DNAJC30: variants seen among roughly 807,000 people sequenced by gnomAD.
The protein encoded by DNAJC30 is dnaJ homolog subfamily C member 30, mitochondrial.
DNAJC30 carries 16 observed loss-of-function variants against 15.4 expected under a neutral mutation model. That is an observed-to-expected ratio of 1.04 (90% CI 0.70 to 1.58). The LOEUF is 1.58. DNAJC30 is among the 40% of genes most tolerant of loss of function. DNAJC30 has a pLI of 0.00. For synonymous variants in DNAJC30, 161 were observed against 140.2 expected (o/e 1.15, Z -1.05); for missense variants, 352 against 320.9 (o/e 1.10, Z -0.74).
At position 73,682,921 on chromosome 7, in the gene DNAJC30, T is replaced by C. The variant is rs1554611595; in HGVS notation, c.503A>G (p.Tyr168Cys). The change falls in exon 1 of 1, where the codon TAC becomes TGC. Residue 168 changes from tyrosine (Y) to cysteine (C), a missense_variant. Tyr to Cys is a radical substitution (Grantham distance 194). Transcript: ENST00000395176. ...NRTMFNFDAFYQAHYGEQLER... is the reference protein window; with the variant it reads ...NRTMFNFDAFCQAHYGEQLER... ...CAGTTGTTCCCCGTAGTGGGCCTGGTAGAAGGCGTCAAAGTTGAACATCGT... is the reference window on the plus strand; with the variant it reads ...CAGTTGTTCCCCGTAGTGGGCCTGGCAGAAGGCGTCAAAGTTGAACATCGT... 1 of 1,613,922 alleles carries C rather than the reference T, an allele frequency of 6.2e-7. No individual in the cohort carries two copies. Among genetic ancestry groups the C allele is most frequent in the South Asian group, 1.1e-5 (1 of 91,086 alleles).
Position 73,683,116 on chromosome 7 carries a change from C to G in DNAJC30, c.308G>C (p.Ser103Thr). 1.2e-6 allele frequency: 2 copies of G among 1,613,356 alleles called. No homozygotes were observed. Among genetic ancestry groups the G allele is most frequent in the South Asian group, 2.2e-5 (2 of 91,052 alleles). ...RISQAYVVLG[S>T]ATLRRKYDRG... is the part of the protein sequence containing the mutation. The stretch of plus-strand genomic sequence containing the variant: ...ATCATACTTGCGACGGAGGGTGGCA[C>G]TGCCCAGCACCACGTAGGCCTGGGA... Residue 103 changes from serine to threonine, a missense_variant, in exon 1 of 1, where the codon AGT (serine) becomes ACT (threonine). By Grantham distance (58) the Ser-to-Thr change is moderately conservative. Transcript: ENST00000395176.
chr7:73,683,262 G>A lies in DNAJC30; in HGVS notation c.162C>T (p.Leu54=), dbSNP rs1391201035. The A allele has an allele frequency of 9.9e-6, 16 of 1,613,998 alleles. No individual in the cohort carries two copies. The highest frequency in any genetic ancestry group is 4.4e-5 in the South Asian group (4 of 91,092). The change falls in exon 1 of 1, where the codon CTC becomes CTT. Residue 54 remains leucine, a synonymous_variant. Transcript: ENST00000395176. ...SYSRTALYDL[L]GVPSTATQAQ... ...CCTGCGTGGCTGTGGAGGGGACGCC[G>A]AGCAGATCATACAGCGCCGTGCGCG...
rs782609560 is a variant in DNAJC30, at chr7:73,682,984, G to A, written c.440C>T (p.Thr147Ile). 3.7e-6 allele frequency: 6 copies of A among 1,600,058 alleles called. No homozygotes were observed. Among genetic ancestry groups the A allele is most frequent in the Admixed American group, 1.7e-5 (1 of 58,774 alleles). The stretch of plus-strand genomic sequence containing the variant: ...GGGGGAGGCCCGAGAACCGTCGTGG[G>A]TCCGAGAGGTGGGCGGCGGGGTACG... Reference protein sequence around the residue: ...SPRTPPPTSRTHDGSRASPGA... With the variant: ...SPRTPPPTSRIHDGSRASPGA... The change falls in exon 1 of 1, where the codon ACC becomes ATC. Residue 147 changes from threonine (T) to isoleucine (I), a missense_variant. Coordinates refer to ENST00000395176, the MANE Select transcript of DNAJC30 (RefSeq NM_032317.3).
Position 73,683,094 on chromosome 7 carries a change from A to G in DNAJC30, c.330T>C (p.Tyr110=), listed in dbSNP as rs782088559. ...CCTCGTCGCTGAGTAGGCCGCGATC[A>G]TACTTGCGACGGAGGGTGGCACTGC... ...VLGSATLRRK[Y]DRGLLSDEDL... Residue 110 remains tyrosine (Y), a synonymous_variant, in exon 1 of 1, where the codon TAT becomes TAC. Transcript: ENST00000395176. The G allele has an allele frequency of 3.1e-6, 5 of 1,609,446 alleles. No individual in the cohort carries two copies. Among genetic ancestry groups the G allele is most frequent in the Admixed American group, 1.7e-5 (1 of 59,914 alleles).
rs1554611717 is a variant in DNAJC30 at position 73,683,160 on chromosome 7, G to C, written c.264C>G (p.Ala88=). 6.2e-7 allele frequency: 1 copy of C among 1,614,054 alleles called. No individual in the cohort carries two copies. Among genetic ancestry groups the C allele is most frequent in the East Asian group, 2.2e-5 (1 of 44,898 alleles). ...PDRNSGSAEA[A]ERFTRISQAY... ...CCTGGGAGATGCGCGTGAAGCGCTC[G>C]GCGGCCTCCGCGCTCCCGGAGTTGC... The change falls in exon 1 of 1, where the codon GCC becomes GCG. Residue 88 remains alanine (A), a synonymous_variant. Coordinates refer to ENST00000395176, the MANE Select transcript of DNAJC30 (RefSeq NM_032317.3).
rs1797697666 is a variant in DNAJC30 at position 73,681,122 on chromosome 7, C to A, written c.*1621G>T. 6.6e-6 allele frequency: 1 copy of A among 152,192 alleles called. No homozygotes were observed. The highest frequency in any genetic ancestry group is 2.4e-5 in the African/African-American group (1 of 41,446). The allele number at this position is 152,192 out of a possible 1,614,324, so 9.4% of individuals were successfully genotyped here. A position where few individuals can be genotyped will look rare whatever the true frequency, so the allele number is the denominator to read the frequency against. The stretch of plus-strand genomic sequence containing the variant: ...CTTGGGCCCTCATCCTTCTCGTAGA[C>A]CTCTTGCGAGGATTTTCCCCTTTTA... On this transcript the variant is annotated 3_prime_UTR_variant, in exon 1 of 1. Transcript: ENST00000395176.
In DNAJC30 at chr7:73,683,189, C is replaced by G; in HGVS notation, c.235G>C (p.Asp79His). 5.0e-6 allele frequency: 8 copies of G among 1,614,186 alleles called. No individual in the cohort carries two copies. The highest frequency in any genetic ancestry group is 6.8e-6 in the Non-Finnish European group (8 of 1,180,046). The change falls in exon 1 of 1, where the codon GAC (aspartate) becomes CAC (histidine). Residue 79 changes from aspartate to histidine, a missense_variant. Coordinates refer to ENST00000395176, the MANE Select transcript of DNAJC30 (RefSeq NM_032317.3). ...YYRQCFLYHP[D>H]RNSGSAEAAE... The stretch of plus-strand genomic sequence containing the variant: ...GCCTCCGCGCTCCCGGAGTTGCGGT[C>G]CGGGTGGTAGAGAAAGCACTGACGG...
chr7:73,683,014 G>T lies in DNAJC30; in HGVS notation c.410C>A (p.Ser137Ter), dbSNP rs781916952. ...AGAGGTGGGCGGCGGGGTACGCGGC[G>T]AGCCGGGGTCGGGTGCGGGCGTCCT... Reference protein sequence around the residue: ...PSRTPAPDPGSPRTPPPTSRT... With the variant: ...PSRTPAPDPG The change falls in exon 1 of 1, where the codon TCG becomes TAG. Residue 137 changes from serine to a stop codon, truncating the protein, a stop_gained. Transcript: ENST00000395176. LOFTEE classifies it high-confidence loss of function. 6.3e-7 allele frequency: 1 copy of T among 1,589,142 alleles called. No individual in the cohort carries two copies. The highest frequency in any genetic ancestry group is 8.6e-7 in the Non-Finnish European group (1 of 1,165,572).
At position 73,681,389 on chromosome 7, in the gene DNAJC30, G is replaced by A. The variant is rs528958820; in HGVS notation, c.*1354C>T. The A allele has an allele frequency of 6.6e-4, 100 of 152,454 alleles. No homozygotes were observed. The highest frequency in any genetic ancestry group is 2.4e-3 in the African/African-American group (98 of 41,574). The allele number at this position is 152,454 out of a possible 1,614,324, so 9.4% of individuals were successfully genotyped here. On this transcript the variant is annotated 3_prime_UTR_variant, in exon 1 of 1. Transcript: ENST00000395176. ...GCCACCAACTCCCCGTCCCTCAGTAGTCCTGTGTACTCCCAAAGCCCCAAA... is the reference window on the plus strand; with the variant it reads ...GCCACCAACTCCCCGTCCCTCAGTAATCCTGTGTACTCCCAAAGCCCCAAA...
Position 73,683,415 on chromosome 7 carries a change from G to A in DNAJC30, c.9C>T (p.Ala3=). The change falls in exon 1 of 1, where the codon GCC becomes GCT. Residue 3 remains alanine (A), a synonymous_variant. Coordinates refer to ENST00000395176, the MANE Select transcript of DNAJC30 (RefSeq NM_032317.3). ...GCCGCTGCCACCATCGCCAGCGCAT[G>A]GCTGCCATGTTGAATTGATTCGGCA... MA[A]MRWRWWQRLL... is the part of the protein sequence containing the mutation. 6.2e-7 allele frequency: 1 copy of A among 1,611,778 alleles called. No individual in the cohort carries two copies. The highest frequency in any genetic ancestry group is 8.5e-7 in the Non-Finnish European group (1 of 1,179,190).
At position 73,681,411 on chromosome 7, in the gene DNAJC30, C is replaced by T. The variant is rs887037228; in HGVS notation, c.*1332G>A. ...GTAGTCCTGTGTACTCCCAAAGCCC[C>T]AAAATTTACCCCAGCCTCAAGCAGC... On this transcript the variant is annotated 3_prime_UTR_variant, in exon 1 of 1. Transcript: ENST00000395176. 6 of 152,298 alleles carry T rather than the reference C, an allele frequency of 3.9e-5. No individual in the cohort carries two copies. The highest frequency in any genetic ancestry group is 1.9e-4 in the East Asian group (1 of 5,196). The allele number at this position is 152,298 out of a possible 1,614,324, so 9.4% of individuals were successfully genotyped here.
At position 73,683,329 on chromosome 7, in the gene DNAJC30, C is replaced by T. The variant is rs1554611823; in HGVS notation, c.95G>A (p.Gly32Asp). 1.2e-6 allele frequency: 2 copies of T among 1,613,708 alleles called. No individual in the cohort carries two copies. Among genetic ancestry groups the T allele is most frequent in the East Asian group, 2.2e-5 (1 of 44,880 alleles). The change falls in exon 1 of 1, where the codon GGC (glycine) becomes GAC (aspartate). Residue 32 changes from glycine (G) to aspartate (D), a missense_variant. Coordinates refer to ENST00000395176, the MANE Select transcript of DNAJC30 (RefSeq NM_032317.3). Reference sequence around the variant, plus strand: ...CTGGGAATAAGTCCTCGCTCCTAGGCCCAGGCTGGGTGCAGAATTTTGTGG... The same window carrying T: ...CTGGGAATAAGTCCTCGCTCCTAGGTCCAGGCTGGGTGCAGAATTTTGTGG... Reference protein sequence around the residue: ...GFPQNSAPSLGLGARTYSQGD... With the variant: ...GFPQNSAPSLDLGARTYSQGD...
chr7:73,683,056 G>C lies in DNAJC30; in HGVS notation c.368C>G (p.Pro123Arg), dbSNP rs527439743. 3 of 1,597,006 alleles carry C rather than the reference G, an allele frequency of 1.9e-6. No homozygotes were observed. The highest frequency in any genetic ancestry group is 2.2e-5 in the South Asian group (2 of 89,546). Residue 123 changes from proline (P) to arginine (R), a missense_variant, in exon 1 of 1, where the codon CCT (proline) becomes CGT (arginine). Coordinates refer to ENST00000395176, the MANE Select transcript of DNAJC30 (RefSeq NM_032317.3). ...GGGCGTCCTGGAGGGCCGGACGCCA[G>C]GTCCGCGCAGGTCCTCGTCGCTGAG... ...GLLSDEDLRGPGVRPSRTPAP... is the reference protein window; with the variant it reads ...GLLSDEDLRGRGVRPSRTPAP...
chr7:73,681,672 G>C lies in DNAJC30; in HGVS notation c.*1071C>G, dbSNP rs1797713357. 1 of 152,242 alleles carries C rather than the reference G, an allele frequency of 6.6e-6. No individual in the cohort carries two copies. The highest frequency in any genetic ancestry group is 1.5e-5 in the Non-Finnish European group (1 of 68,062). 9.4% of individuals were successfully genotyped at this position (152,242 alleles called of 1,614,324 possible). On this transcript the variant is annotated 3_prime_UTR_variant, in exon 1 of 1. Transcript: ENST00000395176. The stretch of plus-strand genomic sequence containing the variant: ...CTGTGGATTAGAACTATGGATAATA[G>C]GGCCGGGAGCAGTGGCTCATGCCTG...
At position 73,681,044 on chromosome 7, in the gene DNAJC30, T is replaced by A. The variant is rs1554611209; in HGVS notation, c.*1699A>T. ...CATTGAGTGCAGGAATGGCACGCAATGATTGCACTCAGTAATATACCAAAC... is the reference window on the plus strand; with the variant it reads ...CATTGAGTGCAGGAATGGCACGCAAAGATTGCACTCAGTAATATACCAAAC... On this transcript the variant is annotated 3_prime_UTR_variant, in exon 1 of 1. Transcript: ENST00000395176. 2.0e-5 allele frequency: 3 copies of A among 152,164 alleles called. No homozygotes were observed. Among genetic ancestry groups the A allele is most frequent in the African/African-American group, 4.8e-5 (2 of 41,414 alleles). 9.4% of individuals were successfully genotyped at this position (152,164 alleles called of 1,614,324 possible).
At position 73,683,396 on chromosome 7, in the gene DNAJC30, G is replaced by T; in HGVS notation, c.28C>A (p.Gln10Lys). 6.2e-7 allele frequency: 1 copy of T among 1,612,232 alleles called. No homozygotes were observed. MAAMRWRWW[Q>K]RLLPWRLLQA... ...AGCAACCTCCAAGGTAACAGCCGCT[G>T]CCACCATCGCCAGCGCATGGCTGCC... Residue 10 changes from glutamine to lysine, a missense_variant, in exon 1 of 1, where the codon CAG becomes AAG. Coordinates refer to ENST00000395176, the MANE Select transcript of DNAJC30 (RefSeq NM_032317.3).
chr7:73,683,033 G>A lies in DNAJC30; in HGVS notation c.391C>T (p.Pro131Ser), dbSNP rs782533531. The change falls in exon 1 of 1, where the codon CCC becomes TCC. Residue 131 changes from proline to serine, a missense_variant. Transcript: ENST00000395176. ...RGPGVRPSRTPAPDPGSPRTP... is the reference protein window; with the variant it reads ...RGPGVRPSRTSAPDPGSPRTP... ...CGCGGCGAGCCGGGGTCGGGTGCGGGCGTCCTGGAGGGCCGGACGCCAGGT... is the reference window on the plus strand; with the variant it reads ...CGCGGCGAGCCGGGGTCGGGTGCGGACGTCCTGGAGGGCCGGACGCCAGGT... 2 of 1,588,096 alleles carry A rather than the reference G, an allele frequency of 1.3e-6. No individual in the cohort carries two copies. Among genetic ancestry groups the A allele is most frequent in the East Asian group, 2.3e-5 (1 of 44,420 alleles).
Position 73,681,221 on chromosome 7 carries a change from A to C in DNAJC30, c.*1522T>G, listed in dbSNP as rs563887911. 6.6e-6 allele frequency: 1 copy of C among 152,348 alleles called. No homozygotes were observed. The highest frequency in any genetic ancestry group is 2.1e-4 in the South Asian group (1 of 4,830). The allele number at this position is 152,348 out of a possible 1,614,324, so 9.4% of individuals were successfully genotyped here. A position where few individuals can be genotyped will look rare whatever the true frequency, so the allele number is the denominator to read the frequency against. The stretch of plus-strand genomic sequence containing the variant: ...CACAGCCAACTCCCTGCCAACGTCC[A>C]GTGACTCACAGTTAAGAGAGCTTCA... On this transcript the variant is annotated 3_prime_UTR_variant, in exon 1 of 1. Transcript: ENST00000395176.
chr7:73,683,097 C>G lies in DNAJC30; in HGVS notation c.327G>C (p.Lys109Asn), dbSNP rs1183476468. ...VVLGSATLRR[K>N]YDRGLLSDED... ...CGTCGCTGAGTAGGCCGCGATCATA[C>G]TTGCGACGGAGGGTGGCACTGCCCA... The change falls in exon 1 of 1, where the codon AAG (lysine) becomes AAC (asparagine). Residue 109 changes from lysine to asparagine, a missense_variant. By Grantham distance (94) the Lys-to-Asn change is moderately conservative. Transcript: ENST00000395176. 1.9e-6 allele frequency: 3 copies of G among 1,610,132 alleles called. No homozygotes were observed. The African/African-American group carries it at 4.0e-5, about 22-fold the overall frequency.
Sources: allele counts gnomAD v4.1 joint callset, GRCh38; gene constraint gnomAD v4.1.1; transcripts MANE v1.5; gene names NCBI Gene and HGNC (gene_info 2026-07-23, HGNC 2026-07-21).